Variants in PYGB observed in about 807,000 individuals in gnomAD.
PYGB encodes glycogen phosphorylase, brain form.
In PYGB, 82 loss-of-function variants were observed where a neutral mutation model predicts 94.3. The ratio of observed to expected loss-of-function variants is 0.87; its 90% CI spans 0.73 to 1.04. PYGB has a LOEUF of 1.04. PYGB is among the 50% of genes least tolerant of loss of function. The pLI is 0.00. For missense variants in PYGB, 1,132 were observed against 1,158.2 expected (o/e 0.98, Z 0.33); for synonymous variants, 488 against 479.1 (o/e 1.02, Z -0.24).
chr20:25,285,684 C>T (rs2088411941), intron 14 of PYGB: 1 of 151,474 alleles, frequency 6.6e-6, no homozygotes, highest in East Asian at 2.0e-4. Context: ...GTGTGCATGC[C>T]TGTAAACATG....
rs201842001 is a variant in PYGB, at chr20:25,248,120, C to G, written c.-59C>G. ...CGCCAGAGCAGCTGCACCATCCCGG[C>G]GTTCGCGTGTGCCGCCGCTTTCCTC... On this transcript the variant is annotated 5_prime_UTR_variant, in exon 1 of 20. Transcript: ENST00000216962. 6.7e-7 allele frequency: 1 copy of G among 1,489,002 alleles called. No homozygotes were observed. Among genetic ancestry groups the G allele is most frequent in the African/African-American group, 1.6e-5 (1 of 64,484 alleles). The allele number at this position is 1,489,002 out of a possible 1,614,324, so 92.2% of individuals were successfully genotyped here.
Position 25,294,239 on chromosome 20 carries a change from C to G in PYGB, c.2259C>G (p.Pro753=), listed in dbSNP as rs1377664121. 2 of 1,608,426 alleles carry G rather than the reference C, an allele frequency of 1.2e-6. No individual in the cohort carries two copies. Among genetic ancestry groups the G allele is most frequent in the Non-Finnish European group, 1.7e-6 (2 of 1,176,898 alleles). Residue 753 remains proline (P), a synonymous_variant, in exon 18 of 20, where the codon CCC becomes CCG. Coordinates refer to ENST00000216962, the MANE Select transcript of PYGB (RefSeq NM_002862.4). ...VDQISSGFFS[P]KEPDCFKDIV... ...AGATCAGCAGTGGCTTTTTTTCTCC[C>G]AAGGAGCCAGACTGCTTCAAGGACA...
At chr20:25,281,555 G>A (rs976105580) in intron 11 of PYGB, among the ~76,000 whole-genome samples, 3 of 152,270 alleles carry the variant, frequency 2.0e-5, no homozygotes, top group African/African-American at 7.2e-5. Flanking sequence ...CATGTGCTGA[G>A]CACCTACTGT....
At chr20:25,283,933 C>T (rs2088393057) in intron 13 of PYGB, among the ~76,000 whole-genome samples, 171 bp from the exon 14 acceptor site, 1 of 152,094 alleles carries the variant, frequency 6.6e-6, no homozygotes, top group Admixed American at 6.5e-5. Flanking sequence ...CCCCTCTCCC[C>T]TTTTCCCATG....
In PYGB at chr20:25,282,134, A is replaced by T; in HGVS notation, c.1505A>T (p.Asp502Val). 1 of 1,612,360 alleles carries T rather than the reference A, an allele frequency of 6.2e-7. No individual in the cohort carries two copies. The highest frequency in any genetic ancestry group is 8.5e-7 in the Non-Finnish European group (1 of 1,179,322). ...WLLLCNPGLA[D>V]TIVEKIGEEF... is the part of the protein sequence containing the mutation. ...CTGCTGTGCAACCCGGGGCTGGCCG[A>T]TACCATCGTGGAGGTGAGTCCCGGG... The change falls in exon 12 of 20, where the codon GAT becomes GTT. Residue 502 changes from aspartate (D) to valine (V), a missense_variant. Coordinates refer to ENST00000216962, the MANE Select transcript of PYGB (RefSeq NM_002862.4).
At chr20:25,256,207 A>G (rs2092902199) in intron 1 of PYGB, among the ~76,000 whole-genome samples, 3 of 152,206 alleles carry the variant, frequency 2.0e-5, no homozygotes, top group Admixed American at 1.3e-4. Context: ...AAAGAACAAA[A>G]TGAGGCTCTG....
chr20:25,251,137 A>G (rs916953873), intron 1 of PYGB: 1 of 152,236 alleles, frequency 6.6e-6, no homozygotes, highest in Non-Finnish European at 1.5e-5. Flanking sequence ...TCTGGCTAAC[A>G]TGGAGAGCTT....
At chr20:25,279,488 C>T (rs964204969) in intron 9 of PYGB, among the ~76,000 whole-genome samples, 2 of 152,132 alleles carry the variant, frequency 1.3e-5, no homozygotes, top group Admixed American at 6.5e-5. Flanking sequence ...CCTGCCCTCG[C>T]GATTCAGTGT....
chr20:25,271,244 G>T, intron 3 of PYGB, 139 bp from the exon 4 acceptor site: 2 of 732,962 alleles, frequency 2.7e-6, no homozygotes, highest in South Asian at 3.3e-5. Context: ...GAGGCTGAGG[G>T]CTCCAGTTTT....
At position 25,282,098 on chromosome 20, in the gene PYGB, G is replaced by A. The variant is rs1015805896; in HGVS notation, c.1469G>A (p.Arg490His). Residue 490 changes from arginine to histidine, a missense_variant, in exon 12 of 20, where the codon CGC (arginine) becomes CAC (histidine). Physicochemically the swap from Arg to His is conservative, Grantham distance 29. Transcript: ENST00000216962. ...AATAAGACCAATGGCATCACCCCCC[G>A]CCGGTGGCTGCTGCTGTGCAACCCG... ...FQNKTNGITP[R>H]RWLLLCNPGL... 11 of 1,613,582 alleles carry A rather than the reference G, an allele frequency of 6.8e-6. No individual in the cohort carries two copies. Among genetic ancestry groups the A allele is most frequent in the African/African-American group, 2.7e-5 (2 of 74,910 alleles).
chr20:25,277,795 A>G (rs545114796), intron 7 of PYGB, among the ~76,000 whole-genome samples: 1 of 152,204 alleles, frequency 6.6e-6, no homozygotes, highest in Non-Finnish European at 1.5e-5. Flanking sequence ...ATACTAGGTG[A>G]TGGTGTCGCA....
chr20:25,276,879 AGGGT>A, intron 6 of PYGB, 122 bp downstream of exon 6: 1 of 863,844 alleles, frequency 1.2e-6, no homozygotes, highest in Non-Finnish European at 1.8e-6. Flanking sequence ...GCCCTCCTCT[AGGGT>A]GTCCCTGCGT....
intron 13 of PYGB, 43 bp downstream of exon 13, chr20:25,283,320 C>T (rs767664096): frequency 2.6e-6 from 4 of 1,550,648 alleles, no homozygotes; most frequent in Non-Finnish European, 3.5e-6. Context: ...AGCCCTCCCA[C>T]AACCAGGCAG....
At chr20:25,288,678 C>CA in intron 15 of PYGB, 195 bp downstream of exon 15, 1 of 644,592 alleles carries the variant, frequency 1.6e-6, no homozygotes, top group South Asian at 2.0e-5. Context: ...CTCCTGCCTG[C>CA]CCAGCTCACT....
intron 7 of PYGB, among the ~76,000 whole-genome samples, chr20:25,277,965 G>A (rs1411040663): frequency 6.6e-6 from 1 of 152,252 alleles, no homozygotes; most frequent in Non-Finnish European, 1.5e-5. Flanking sequence ...GCAAAGGCCT[G>A]GGTGCCGGAA....
intron 7 of PYGB, among the ~76,000 whole-genome samples, chr20:25,277,962 C>A (rs1475393177): frequency 1.3e-5 from 2 of 152,232 alleles, no homozygotes; most frequent in African/African-American, 4.8e-5. Flanking sequence ...GGAGCAAAGG[C>A]CTGGGTGCCG....
At position 25,277,428 on chromosome 20, in the gene PYGB, T is replaced by C. The variant is rs776920500; in HGVS notation, c.855+102T>C. The C allele has an allele frequency of 1.6e-4, 180 of 1,160,910 alleles. 1 individual carries two copies. The Middle Eastern group carries it at 2.2e-3, about 14-fold the overall frequency. 71.9% of individuals were successfully genotyped at this position (1,160,910 alleles called of 1,614,324 possible). ...TCCCCAGTGGGGCCTGCTGTTGGCC[T>C]TGGCAAGCAGCCACCTGGTGGCCCT... On this transcript the variant is annotated intron_variant, in intron 7 of 19. Transcript: ENST00000216962.
At chr20:25,250,478 G>C (rs1426771173) in intron 1 of PYGB, among the ~76,000 whole-genome samples, 1 of 152,196 alleles carries the variant, frequency 6.6e-6, no homozygotes, top group Non-Finnish European at 1.5e-5. Context: ...TAAACTTTTA[G>C]ATCTCACAGT....
In PYGB at chr20:25,276,754, G is replaced by T. The variant is rs1358520319; in HGVS notation, c.769G>T (p.Asp257Tyr). 4 of 1,613,374 alleles carry T rather than the reference G, an allele frequency of 2.5e-6. No individual in the cohort carries two copies. Reference sequence around the variant, plus strand: ...GGCTCCCAACGACTTCAAGCTGCAGGACTGTACGTTCCGTGGTTCTTGGCA... The same window carrying T: ...GGCTCCCAACGACTTCAAGCTGCAGTACTGTACGTTCCGTGGTTCTTGGCA... ...AKAPNDFKLQ[D>Y]FNVGDYIEAV... The change falls in exon 6 of 20, where the codon GAC becomes TAC. Residue 257 changes from aspartate (D) to tyrosine (Y), a missense_variant. Physicochemically the swap from Asp to Tyr is radical, Grantham distance 160. Coordinates refer to ENST00000216962, the MANE Select transcript of PYGB (RefSeq NM_002862.4).
Sources: gnomAD v4.1 joint callset for allele counts (sites outside exome capture counted in the v4.1 genomes callset) on GRCh38, gnomAD v4.1.1 for gene constraint, MANE v1.5 for transcripts, NCBI Gene and HGNC (gene_info 2026-07-23, HGNC 2026-07-21) for gene names.